GULP1: variants seen among roughly 807,000 people sequenced by gnomAD.
The protein encoded by GULP1 is GULP PTB domain containing engulfment adaptor 1.
In GULP1, 19 loss-of-function variants were observed where a neutral mutation model predicts 40.9. The observed-to-expected ratio is 0.46, with a 90% CI of 0.32 to 0.68. The LOEUF (loss-of-function observed/expected upper bound fraction) is 0.68, where lower values mean the gene tolerates loss of function less well. Ranked by LOEUF, GULP1 falls within the 30% of genes least tolerant of loss-of-function variation. The pLI is 0.03. For missense variants in GULP1, 312 were observed against 362.2 expected (o/e 0.86, Z 1.12); for synonymous variants, 119 against 117.6 (o/e 1.01, Z -0.08).
intron 2 of GULP1, among the ~76,000 whole-genome samples, chr2:188,475,768 T>C (rs997858247): frequency 6.6e-6 from 1 of 152,152 alleles, no homozygotes; most frequent in African/African-American, 2.4e-5. Flanking sequence ...TGTTAAGATA[T>C]AGGTGAAAAG....
At chr2:188,356,064 T>C (rs896690695) in intron 1 of GULP1, among the ~76,000 whole-genome samples, 1 of 151,988 alleles carries the variant, frequency 6.6e-6, no homozygotes, top group African/African-American at 2.4e-5. Flanking sequence ...TATGACAAAC[T>C]CACAATCATA....
chr2:188,484,333 G>A (rs1372031516), intron 4 of GULP1, among the ~76,000 whole-genome samples: 1 of 152,074 alleles, frequency 6.6e-6, no homozygotes, highest in East Asian at 1.9e-4. Flanking sequence ...TTCATTTGTT[G>A]TTGAAAAAAA....
intron 2 of GULP1, among the ~76,000 whole-genome samples, chr2:188,417,844 G>T (rs1297105805): frequency 1.3e-5 from 2 of 152,050 alleles, no homozygotes; most frequent in African/African-American, 4.8e-5. Flanking sequence ...AGGCTAAAGT[G>T]CAGTGGCATG....
At chr2:188,341,016 GGGGATGGGACA>G (rs1241488859) in intron 1 of GULP1, among the ~76,000 whole-genome samples, 2 of 152,126 alleles carry the variant, frequency 1.3e-5, no homozygotes, top group South Asian at 4.1e-4. Context: ...GTACAGGATA[GGGGATGGGACA>G]GGTCAGGGGT....
chr2:188,365,796 A>G (rs2046703163), intron 1 of GULP1, among the ~76,000 whole-genome samples: 1 of 152,194 alleles, frequency 6.6e-6, no homozygotes, highest in African/African-American at 2.4e-5. Flanking sequence ...GACAAGGGAA[A>G]CAACACTGCT....
intron 2 of GULP1, among the ~76,000 whole-genome samples, chr2:188,467,580 G>A (rs183895956): frequency 8.6e-5 from 13 of 151,896 alleles, no homozygotes; most frequent in Admixed American, 7.9e-4. Context: ...TAATACATCC[G>A]TAAGCTGTAC....
intron 1 of GULP1, among the ~76,000 whole-genome samples, chr2:188,301,924 T>C (rs950267441): frequency 1.3e-5 from 2 of 152,208 alleles, no homozygotes; most frequent in Admixed American, 1.3e-4. Flanking sequence ...AATCATTGGG[T>C]TCTTGACTCC....
chr2:188,307,870 T>C (rs1251676198), intron 1 of GULP1, among the ~76,000 whole-genome samples: 3 of 152,190 alleles, frequency 2.0e-5, no homozygotes, highest in Middle Eastern at 3.2e-3. Flanking sequence ...TGTAGTACTA[T>C]TAAAGATAAA....
intron 2 of GULP1, among the ~76,000 whole-genome samples, chr2:188,460,925 G>A (rs906496348): frequency 6.6e-6 from 1 of 152,112 alleles, no homozygotes; most frequent in Non-Finnish European, 1.5e-5. Context: ...CTGTTTTTAT[G>A]ATGTAACACA....
chr2:188,435,953 C>A (rs996732675), intron 2 of GULP1, among the ~76,000 whole-genome samples: 5 of 152,086 alleles, frequency 3.3e-5, no homozygotes, highest in African/African-American at 1.2e-4. Context: ...CTTGATTAAG[C>A]CAGGTCTACG....
chr2:188,427,565 G>A (rs1362267321), intron 2 of GULP1, among the ~76,000 whole-genome samples: 1 of 152,162 alleles, frequency 6.6e-6, no homozygotes, highest in Admixed American at 6.5e-5. Context: ...TGGCTCCAAG[G>A]GGCCCAAGTA....
At chr2:188,333,097 T>C (rs1050332009) in intron 1 of GULP1, among the ~76,000 whole-genome samples, 14 of 151,842 alleles carry the variant, frequency 9.2e-5, no homozygotes, top group African/African-American at 3.1e-4. Flanking sequence ...ATAAAAACAT[T>C]AGCGGGGCAT....
intron 2 of GULP1, among the ~76,000 whole-genome samples, chr2:188,410,209 T>C (rs1274815260): frequency 1.3e-5 from 2 of 152,050 alleles, no homozygotes; most frequent in Non-Finnish European, 2.9e-5. Context: ...CTCAAAATGA[T>C]TTAAAGACTC....
At chr2:188,293,867 GC>G (rs1368033499) in intron 1 of GULP1, 1 of 152,268 alleles carries the variant, frequency 6.6e-6, no homozygotes, top group African/African-American at 2.4e-5. Flanking sequence ...AGTTGCAGGG[GC>G]TAATTGGAAA....
At chr2:188,556,372 C>G (rs1287617468) in intron 7 of GULP1, among the ~76,000 whole-genome samples, 2 of 152,082 alleles carry the variant, frequency 1.3e-5, no homozygotes, top group Non-Finnish European at 2.9e-5. Flanking sequence ...TCCTTAAGTT[C>G]TAGAATTTCT....
At chr2:188,376,864 T>C (rs765161989) in intron 1 of GULP1, among the ~76,000 whole-genome samples, 1 of 152,290 alleles carries the variant, frequency 6.6e-6, no homozygotes, top group Non-Finnish European at 1.5e-5. Context: ...ATTTCACTTT[T>C]ATGAAGCCAC....
chr2:188,585,133 A>G (rs770663244), intron 10 of GULP1, among the ~76,000 whole-genome samples: 20 of 152,098 alleles, frequency 1.3e-4, no homozygotes, highest in Non-Finnish European at 2.6e-4. Context: ...AAGCTCCAAA[A>G]TTATCTCATT....
intron 2 of GULP1, among the ~76,000 whole-genome samples, chr2:188,441,862 G>A (rs1386970349): frequency 2.0e-5 from 3 of 152,180 alleles, no homozygotes; most frequent in East Asian, 3.9e-4. Flanking sequence ...AGCTTTATGA[G>A]TTAAATAATG....
chr2:188,349,291 C>G (rs1294391533), intron 1 of GULP1, among the ~76,000 whole-genome samples: 3 of 152,122 alleles, frequency 2.0e-5, no homozygotes, highest in Non-Finnish European at 2.9e-5. Context: ...CATATGGTAA[C>G]TCTATGTTTA....
Sources: gnomAD v4.1 joint callset for allele counts (sites outside exome capture counted in the v4.1 genomes callset) on GRCh38, gnomAD v4.1.1 for gene constraint, MANE v1.5 for transcripts, NCBI Gene and HGNC (gene_info 2026-07-23, HGNC 2026-07-21) for gene names.